Variants in ATP9B observed in about 807,000 individuals in gnomAD.
ATP9B encodes probable phospholipid-transporting ATPase IIB.
In ATP9B, 110 loss-of-function variants were observed where a neutral mutation model predicts 146.1. That is an observed-to-expected ratio of 0.75 (90% CI 0.65 to 0.88). The LOEUF (loss-of-function observed/expected upper bound fraction) is 0.88, where lower values mean the gene tolerates loss of function less well. Ranked by LOEUF, ATP9B falls within the 40% of genes least tolerant of loss-of-function variation. The pLI is 0.00. For synonymous variants in ATP9B, 604 were observed against 569.7 expected (o/e 1.06, Z -0.86); for missense variants, 1,499 against 1,496.4 (o/e 1.00, Z -0.03).
intron 1 of ATP9B, among the ~76,000 whole-genome samples, chr18:79,080,050 A>T (rs184794612): frequency 1.8e-4 from 28 of 152,280 alleles, no homozygotes; most frequent in Admixed American, 1.5e-3. Context: ...GTAGCCTTGT[A>T]GTATAGTTTG....
chr18:79,157,306 G>C (rs1428144732), intron 7 of ATP9B, among the ~76,000 whole-genome samples: 1 of 137,142 alleles, frequency 7.3e-6, no homozygotes, highest in Non-Finnish European at 1.5e-5. Context: ...TGAGGCAGGA[G>C]AATCACTTGA....
At chr18:79,237,849 C>T (rs2095856464) in intron 11 of ATP9B, among the ~76,000 whole-genome samples, 1 of 146,556 alleles carries the variant, frequency 6.8e-6, no homozygotes, top group South Asian at 2.4e-4. Context: ...TGCCATCATG[C>T]CTGGCTAATT....
At chr18:79,110,306 T>C (rs760980537) in intron 2 of ATP9B, 49 bp from the exon 3 acceptor site, 8 of 1,487,840 alleles carry the variant, frequency 5.4e-6, no homozygotes, top group South Asian at 4.2e-5. Context: ...TTTGAACTTT[T>C]TTAAAAAGCA....
At chr18:79,166,142 CTT>C (rs1334986463) in intron 7 of ATP9B, among the ~76,000 whole-genome samples, 2 of 152,124 alleles carry the variant, frequency 1.3e-5, no homozygotes, top group Non-Finnish European at 2.9e-5. Flanking sequence ...TCCCTACAGA[CTT>C]TGTTTGAAAA....
intron 7 of ATP9B, among the ~76,000 whole-genome samples, chr18:79,176,225 T>C (rs1489933094): frequency 6.6e-6 from 1 of 152,252 alleles, no homozygotes; most frequent in African/African-American, 2.4e-5. Context: ...GTGCTTTTGC[T>C]ATTCCATCAT....
intron 11 of ATP9B, among the ~76,000 whole-genome samples, chr18:79,216,269 G>T (rs1162618534): frequency 2.0e-5 from 3 of 152,152 alleles, no homozygotes; most frequent in South Asian, 2.1e-4. Flanking sequence ...CAGGGTCTTG[G>T]TTCTGCGTTG....
chr18:79,296,657 C>G (rs2096550266), intron 13 of ATP9B, among the ~76,000 whole-genome samples: 2 of 152,170 alleles, frequency 1.3e-5, no homozygotes, highest in South Asian at 2.1e-4. Context: ...TGTTTGATTT[C>G]TGTTTACAGC....
chr18:79,231,803 T>TATATATATATATATATACATACACAC (rs569726473), intron 11 of ATP9B, among the ~76,000 whole-genome samples: 9 of 114,758 alleles, frequency 7.8e-5, no homozygotes, highest in African/African-American at 3.0e-4. Flanking sequence ...TATATATATA[T>TATATATATATATATATACATACACAC]ACACACACAC....
intron 7 of ATP9B, among the ~76,000 whole-genome samples, chr18:79,175,792 GCA>G (rs1358347443): frequency 1.3e-5 from 2 of 151,946 alleles, no homozygotes; most frequent in South Asian, 4.2e-4. Context: ...ATACGCTTGT[GCA>G]CACACAGCAC....
intron 4 of ATP9B, among the ~76,000 whole-genome samples, chr18:79,116,919 T>C (rs1344522558): frequency 2.2e-5 from 1 of 46,192 alleles, no homozygotes; most frequent in East Asian, 4.8e-4. Context: ...ACTTAGAGTA[T>C]AATAAAAAAA....
intron 11 of ATP9B, among the ~76,000 whole-genome samples, chr18:79,241,308 T>G (rs1167369892): frequency 6.6e-6 from 1 of 152,102 alleles, no homozygotes; most frequent in African/African-American, 2.4e-5. Context: ...TTGCTGCCCC[T>G]CCTCTGTTAT....
At chr18:79,174,170 G>T (rs2095123764) in intron 7 of ATP9B, 1 of 427,168 alleles carries the variant, frequency 2.3e-6, no homozygotes. Flanking sequence ...TTCCCTTAAA[G>T]GTTTTATTCA....
chr18:79,097,592 T>A (rs953889115), intron 2 of ATP9B, among the ~76,000 whole-genome samples: 14 of 136,644 alleles, frequency 1.0e-4, no homozygotes, highest in African/African-American at 3.9e-4. Context: ...GATCTCATTG[T>A]TCAATTCCCA....
In ATP9B at chr18:79,242,967, C is replaced by T. The variant is rs370661671; in HGVS notation, c.1108-10414C>T. On this transcript the variant is annotated intron_variant, in intron 11 of 29. Transcript: ENST00000426216. ...TCATTTAAAATTCTCAGCAAATCTGCCAGTTCATTTTCCTTACAAAAGAAT... is the reference window on the plus strand; with the variant it reads ...TCATTTAAAATTCTCAGCAAATCTGTCAGTTCATTTTCCTTACAAAAGAAT... Among the ~76,000 whole-genome samples, 365 of 152,282 alleles carry T rather than the reference C, an allele frequency of 2.4e-3. 2 individuals carry two copies. The highest frequency in any genetic ancestry group is 6.4e-3 in the South Asian group (31 of 4,822).
At chr18:79,269,701 T>C (rs1361240478) in intron 12 of ATP9B, among the ~76,000 whole-genome samples, 1 of 152,252 alleles carries the variant, frequency 6.6e-6, no homozygotes, top group Non-Finnish European at 1.5e-5. Context: ...GGAACAAAGA[T>C]GGAGGTTCAT....
chr18:79,163,224 C>G (rs1568308121), intron 7 of ATP9B, among the ~76,000 whole-genome samples: 2 of 152,156 alleles, frequency 1.3e-5, no homozygotes, highest in South Asian at 4.1e-4. Context: ...GTATTTTTAA[C>G]TGTACTTAAC....
chr18:79,297,940 A>T (rs1424913292), intron 13 of ATP9B, among the ~76,000 whole-genome samples: 1 of 146,728 alleles, frequency 6.8e-6, no homozygotes, highest in African/African-American at 2.5e-5. Context: ...TAAGAAGAAA[A>T]CTCGGAAAAC....
At chr18:79,227,063 T>A (rs1186310119) in intron 11 of ATP9B, among the ~76,000 whole-genome samples, 1 of 152,204 alleles carries the variant, frequency 6.6e-6, no homozygotes, top group Non-Finnish European at 1.5e-5. Flanking sequence ...TTTTCTCTTT[T>A]TTTGGTGGGC....
At chr18:79,362,464 A>G (rs999728317) in intron 26 of ATP9B, 7 of 152,238 alleles carry the variant, frequency 4.6e-5, no homozygotes. Context: ...AGAAAATGGT[A>G]TATTTGCAAC....
Sources: allele counts gnomAD v4.1 joint callset (sites outside exome capture counted in the v4.1 genomes callset), GRCh38; gene constraint gnomAD v4.1.1; transcripts MANE v1.5; gene names NCBI Gene and HGNC (gene_info 2026-07-23, HGNC 2026-07-21).